WWP2: variants seen among roughly 807,000 people sequenced by gnomAD.
The protein encoded by WWP2 is WW domain containing E3 ubiquitin protein ligase 2, also known as NEDD4-like E3 ubiquitin-protein ligase WWP2.
WWP2 carries 57 observed loss-of-function variants against 121.0 expected under a neutral mutation model. The observed-to-expected ratio is 0.47, with a 90% CI of 0.38 to 0.59. The LOEUF (loss-of-function observed/expected upper bound fraction) is 0.59. WWP2 is among the 20% of genes least tolerant of loss of function. The probability of loss-of-function intolerance (pLI) is 0.00; values close to 1 mark genes in which losing one functional copy is unlikely to be tolerated. For missense variants in WWP2, 962 were observed against 1,158.9 expected (o/e 0.83, Z 2.47); for synonymous variants, 449 against 441.3 (o/e 1.02, Z -0.22).
chr16:69,926,824 G>A (rs1026756433), intron 11 of WWP2, among the ~76,000 whole-genome samples: 7 of 152,186 alleles, frequency 4.6e-5, no homozygotes, highest in Admixed American at 1.3e-4. Flanking sequence ...ACCCTGCGTC[G>A]TCAGTAGGCA....
At position 69,800,807 on chromosome 16, in the gene WWP2, T is replaced by C. The variant is rs568631918; in HGVS notation, c.340+1512T>C. ...CTTGAACTCCTGACCTCAGGTGATC[T>C]GCCCGCCTCATCCTCCCAAAGTGTT... On this transcript the variant is annotated intron_variant, in intron 4 of 23. Coordinates refer to ENST00000359154, the MANE Select transcript of WWP2 (RefSeq NM_001270454.2). Among the ~76,000 whole-genome samples the C allele has an allele frequency of 2.9e-3, 443 of 151,484 alleles. 1 individual carries two copies. Among genetic ancestry groups the C allele is most frequent in the Middle Eastern group, 0.01 (3 of 292 alleles).
Position 69,809,345 on chromosome 16 carries a change from A to G in WWP2, c.340+10050A>G, listed in dbSNP as rs185272969. Among the ~76,000 whole-genome samples the G allele has an allele frequency of 1.8e-3, 276 of 152,200 alleles. 1 individual carries two copies. Among genetic ancestry groups the G allele is most frequent in the Middle Eastern group, 3.4e-3 (1 of 294 alleles). ...CTGGTAATTGCAAATCTTCCCAAAG[A>G]TGGGGAGGTTTGAATCTCAGAGATG... On this transcript the variant is annotated intron_variant, in intron 4 of 23. Transcript: ENST00000359154.
chr16:69,803,588 G>A (rs1463261188), intron 4 of WWP2, among the ~76,000 whole-genome samples: 1 of 152,038 alleles, frequency 6.6e-6, no homozygotes, highest in Non-Finnish European at 1.5e-5. Flanking sequence ...GCTTTTTTGT[G>A]TGTGTGTGTG....
intron 6 of WWP2, among the ~76,000 whole-genome samples, chr16:69,869,548 G>A (rs1358068932): frequency 6.6e-6 from 1 of 151,988 alleles, no homozygotes; most frequent in Non-Finnish European, 1.5e-5. Context: ...GTCTCCCTGT[G>A]TTGCCCAGGC....
chr16:69,880,068 G>A (rs1455327847), intron 7 of WWP2, among the ~76,000 whole-genome samples: 1 of 150,704 alleles, frequency 6.6e-6, no homozygotes, highest in Middle Eastern at 3.2e-3. Flanking sequence ...CTTTCTTCAT[G>A]ATGTTACGTT....
intron 6 of WWP2, among the ~76,000 whole-genome samples, chr16:69,867,967 G>A (rs1302270740): frequency 3.9e-5 from 6 of 152,172 alleles, no homozygotes; most frequent in Non-Finnish European, 8.8e-5. Context: ...TCAGCATCTG[G>A]GCCAGCTTTT....
chr16:69,934,553 A>G (rs1053387131), intron 17 of WWP2, among the ~76,000 whole-genome samples: 2 of 151,886 alleles, frequency 1.3e-5, no homozygotes, highest in Non-Finnish European at 2.9e-5. Context: ...TTGGGATGAC[A>G]GGGCCAGGTG....
intron 6 of WWP2, among the ~76,000 whole-genome samples, chr16:69,847,055 A>C (rs2057094530): frequency 6.6e-6 from 1 of 151,424 alleles, no homozygotes; most frequent in African/African-American, 2.4e-5. Context: ...CAGGCCCTAC[A>C]CCTGCTGCCA....
At position 69,940,118 on chromosome 16, in the gene WWP2, C is replaced by T. The variant is rs781112716; in HGVS notation, c.*178C>T. The T allele has an allele frequency of 1.3e-4, 77 of 601,170 alleles. No individual in the cohort carries two copies. Among genetic ancestry groups the T allele is most frequent in the Admixed American group, 4.0e-4 (13 of 32,640 alleles). The allele number at this position is 601,170 out of a possible 1,614,324, so 37.2% of individuals were successfully genotyped here. A position where few individuals can be genotyped will look rare whatever the true frequency, so the allele number is the denominator to read the frequency against. On this transcript the variant is annotated 3_prime_UTR_variant, in exon 24 of 24. Transcript: ENST00000359154. Reference sequence around the variant, plus strand: ...ATCCCAGGAGGCCCTGCAGTTCCCCCGACCCGCGGATGGCAGTCTGGAATA... The same window carrying T: ...ATCCCAGGAGGCCCTGCAGTTCCCCTGACCCGCGGATGGCAGTCTGGAATA...
chr16:69,916,690 A>C (rs1329264965), intron 9 of WWP2, among the ~76,000 whole-genome samples: 1 of 152,090 alleles, frequency 6.6e-6, no homozygotes, highest in Non-Finnish European at 1.5e-5. Flanking sequence ...ACATGAGGAG[A>C]CTGAAGAAAG....
At chr16:69,805,196 T>G (rs937211259) in intron 4 of WWP2, among the ~76,000 whole-genome samples, 1 of 151,970 alleles carries the variant, frequency 6.6e-6, no homozygotes, top group Non-Finnish European at 1.5e-5. Context: ...CCCAACACCA[T>G]GCCTAATTTT....
rs146776585 is a variant in WWP2, at chr16:69,860,730, C to A, written c.576-11074C>A. 2.0e-5 allele frequency among the ~76,000 whole-genome samples: 3 copies of A among 151,962 alleles called. No individual in the cohort carries two copies. In the East Asian group the frequency reaches 5.8e-4, roughly 29 times the overall value. ...CAGAACACTTAGAAATAATGCTCTA[C>A]CCAGCTCATGCCTCTAATCCCAACA... is the stretch of plus-strand genomic sequence containing the variant. On this transcript the variant is annotated intron_variant, in intron 6 of 23. Transcript: ENST00000359154.
At chr16:69,834,045 T>G (rs1306177503) in intron 4 of WWP2, among the ~76,000 whole-genome samples, 1 of 152,272 alleles carries the variant, frequency 6.6e-6, no homozygotes, top group African/African-American at 2.4e-5. Flanking sequence ...CTACCTGGTC[T>G]TGTGTACCTC....
Position 69,803,129 on chromosome 16 carries a change from A to G in WWP2, c.340+3834A>G, listed in dbSNP as rs543455268. On this transcript the variant is annotated intron_variant, in intron 4 of 23. Coordinates refer to ENST00000359154, the MANE Select transcript of WWP2 (RefSeq NM_001270454.2). ...TTTTTTTCCTATTTGATAACTATTA[A>G]CATTATGATGGATTTGCTTTTCCTG... Among the ~76,000 whole-genome samples the G allele has an allele frequency of 3.3e-5, 5 of 151,348 alleles. No homozygotes were observed. The South Asian group carries it at 6.2e-4, about 19-fold the overall frequency.
chr16:69,867,617 G>T (rs2057551359), intron 6 of WWP2, among the ~76,000 whole-genome samples: 1 of 152,154 alleles, frequency 6.6e-6, no homozygotes, highest in South Asian at 2.1e-4. Context: ...ACCACTTTGG[G>T]GAGCGTGGGT....
chr16:69,791,117 A>G (rs2055900062), intron 2 of WWP2, among the ~76,000 whole-genome samples: 1 of 152,204 alleles, frequency 6.6e-6, no homozygotes, highest in African/African-American at 2.4e-5. Context: ...GCTAATAATT[A>G]GCAAGTCTAG....
At chr16:69,814,985 T>A (rs1001248376) in intron 4 of WWP2, among the ~76,000 whole-genome samples, 57 of 151,972 alleles carry the variant, frequency 3.8e-4, no homozygotes, top group African/African-American at 4.6e-4. Context: ...ATTAGTTTTT[T>A]AAAAATATTT....
Position 69,842,129 on chromosome 16 carries a change from C to A in WWP2, c.575+9C>A, listed in dbSNP as rs766107776. On this transcript the variant is annotated intron_variant, in intron 6 of 23. Transcript: ENST00000359154. ...TTTGGTGGAAGATCCCGGTAAGACCCCCCTTGGTGAGGACAAAGAGCTAAG... is the reference window on the plus strand; with the variant it reads ...TTTGGTGGAAGATCCCGGTAAGACCACCCTTGGTGAGGACAAAGAGCTAAG... 6.2e-7 allele frequency: 1 copy of A among 1,610,834 alleles called. No homozygotes were observed. The highest frequency in any genetic ancestry group is 1.1e-5 in the South Asian group (1 of 90,518).
intron 11 of WWP2, among the ~76,000 whole-genome samples, chr16:69,926,645 C>CCTTCTGATT (rs1213982431): frequency 2.0e-5 from 3 of 152,112 alleles, no homozygotes; most frequent in Non-Finnish European, 4.4e-5. Context: ...GCCTTCTGGT[C>CCTTCTGATT]CTTCTGATTG....
Sources: gnomAD v4.1 joint callset for allele counts (sites outside exome capture counted in the v4.1 genomes callset) on GRCh38, gnomAD v4.1.1 for gene constraint, MANE v1.5 for transcripts, NCBI Gene and HGNC (gene_info 2026-07-23, HGNC 2026-07-21) for gene names.